The following LRRC4 variants were observed in gnomAD, a reference collection of about 807,000 sequenced individuals.
LRRC4 encodes leucine-rich repeat-containing protein 4.
In LRRC4, 11 loss-of-function variants were observed where a neutral mutation model predicts 37.9. The observed-to-expected ratio is 0.29, with a 90% confidence interval of 0.18 to 0.48. The LOEUF (loss-of-function observed/expected upper bound fraction) is 0.48, where lower values mean the gene tolerates loss of function less well. LRRC4 is among the 20% of genes least tolerant of loss of function. The probability of loss-of-function intolerance (pLI) is 0.99; values close to 1 mark genes in which losing one functional copy is unlikely to be tolerated. For missense variants in LRRC4, 717 were observed against 842.1 expected (o/e 0.85, Z 1.84); for synonymous variants, 404 against 346.7 (o/e 1.17, Z -1.84).
rs1453846684 is a variant in LRRC4, at chr7:128,030,089, C to G, written c.552G>C (p.Leu184=). The part of the protein sequence containing the change: ...MRLDLGELKK[L]EYISEGAFEG... ...CAAAAGCTCCCTCAGAGATATACTC[C>G]AGCTTCTTGAGCTCCCCCAAGTCCA... The change falls in exon 2 of 2, where the codon CTG becomes CTC. Residue 184 remains leucine, a synonymous_variant. Coordinates refer to ENST00000249363, the MANE Select transcript of LRRC4 (RefSeq NM_022143.5). 2.5e-6 allele frequency: 4 copies of G among 1,613,696 alleles called. No homozygotes were observed. Among genetic ancestry groups the G allele is most frequent in the Non-Finnish European group, 3.4e-6 (4 of 1,180,064 alleles).
At position 128,030,384 on chromosome 7, in the gene LRRC4, T is replaced by C. The variant is rs763851811; in HGVS notation, c.257A>G (p.Asn86Ser). The change falls in exon 2 of 2, where the codon AAC (asparagine) becomes AGC (serine). Residue 86 changes from asparagine to serine, a missense_variant. Physicochemically the swap from Asn to Ser is conservative, Grantham distance 46. This residue lies in a region of LRRC4 where 127 missense variants were observed against 134.8 expected (regional missense o/e 0.94). Coordinates refer to ENST00000249363, the MANE Select transcript of LRRC4 (RefSeq NM_022143.5). ...GGTGTCGGCCTGGATCATCTGGATG[T>C]TGTTCTCCATGAGGTTGAGGTACCG... ...NTRYLNLMEN[N>S]IQMIQADTFR... 10 of 1,613,952 alleles carry C rather than the reference T, an allele frequency of 6.2e-6. No homozygotes were observed. The South Asian group carries it at 1.1e-4, about 18-fold the overall frequency.
At position 128,027,076 on chromosome 7, in the gene LRRC4, A is replaced by T. The variant is rs1803496053; in HGVS notation, c.*1603T>A. ...AACCCTTTGGGGACATTGAATTAAA[A>T]ATTCAACAATATTTATTAAAATACA... On this transcript the variant is annotated 3_prime_UTR_variant, in exon 2 of 2. Transcript: ENST00000249363. The T allele has an allele frequency of 6.6e-6, 1 of 152,556 alleles. No homozygotes were observed. Among genetic ancestry groups the T allele is most frequent in the South Asian group, 2.1e-4 (1 of 4,820 alleles). 9.5% of individuals were successfully genotyped at this position (152,556 alleles called of 1,614,324 possible).
rs755725975 is a variant in LRRC4 at position 128,030,684 on chromosome 7, C to T, written c.-44G>A. The T allele has an allele frequency of 2.6e-5, 40 of 1,521,716 alleles. No individual in the cohort carries two copies. The East Asian group carries it at 4.3e-4, about 16-fold the overall frequency. The allele number at this position is 1,521,716 out of a possible 1,614,324, so 94.3% of individuals were successfully genotyped here. A position where few individuals can be genotyped will look rare whatever the true frequency, so the allele number is the denominator to read the frequency against. ...TTCACCATCGCCTGGGATTTTGGCT[C>T]GGAAAGGAGAACCAGCCCTACCCCG... On this transcript the variant is annotated 5_prime_UTR_variant, in exon 2 of 2. Transcript: ENST00000249363.
chr7:128,031,255 G>C lies in LRRC4; in HGVS notation c.-443C>G, dbSNP rs1287631376. Among the ~76,000 whole-genome samples, 1 of 151,398 alleles carries C rather than the reference G, an allele frequency of 6.6e-6. No individual in the cohort carries two copies. The highest frequency in any genetic ancestry group is 1.5e-5 in the Non-Finnish European group (1 of 67,814). ...TGTCCTTGGACCCTGGCACCGGCTC[G>C]CTCCAGCCGCGGGGGAAGGCGCTTC... On this transcript the variant is annotated 5_prime_UTR_variant, in exon 1 of 2. Transcript: ENST00000249363.
rs765470893 is a variant in LRRC4 at position 128,029,478 on chromosome 7, T to C, written c.1163A>G (p.Asn388Ser). 30 of 1,613,944 alleles carry C rather than the reference T, an allele frequency of 1.9e-5. No individual in the cohort carries two copies. The highest frequency in any genetic ancestry group is 8.3e-5 in the Admixed American group (5 of 59,996). ...PMSSVKWLLP[N>S]GTVLSHASRH... is the part of the protein sequence containing the mutation. ...GGAGGCGTGGCTGAGCACTGTCCCA[T>C]TGGGCAGCAACCACTTCACGGAGGA... Residue 388 changes from asparagine to serine, a missense_variant, in exon 2 of 2, where the codon AAT becomes AGT. Coordinates refer to ENST00000249363, the MANE Select transcript of LRRC4 (RefSeq NM_022143.5). The surrounding 1 kb of genome is among the most constrained non-coding windows in gnomAD (Gnocchi z 4.2).
In LRRC4 at chr7:128,031,116, G is replaced by GCCGGAC. The variant is rs1792581362; in HGVS notation, c.-305_-304insGTCCGG. 6.6e-6 allele frequency: 1 copy of GCCGGAC among 152,648 alleles called. No individual in the cohort carries two copies. Among genetic ancestry groups the GCCGGAC allele is most frequent in the Admixed American group, 6.5e-5 (1 of 15,274 alleles). The allele number at this position is 152,648 out of a possible 1,614,324, so 9.5% of individuals were successfully genotyped here. A position where few individuals can be genotyped will look rare whatever the true frequency, so the allele number is the denominator to read the frequency against. On this transcript the variant is annotated 5_prime_UTR_variant, in exon 1 of 2. Transcript: ENST00000249363. ...GGCCTCTAGTAAATCCGGAGCCGGA[G>GCCGGAC]CCGGCGAAGCCGCGGAGTTGAGGCG...
At position 128,029,990 on chromosome 7, in the gene LRRC4, C is replaced by A. The variant is rs779078017; in HGVS notation, c.651G>T (p.Leu217=). The A allele has an allele frequency of 6.2e-6, 10 of 1,613,180 alleles. No individual in the cohort carries two copies. Among genetic ancestry groups the A allele is most frequent in the Non-Finnish European group, 6.8e-6 (8 of 1,180,034 alleles). ...ACATCTCCAGCTCCTCCAGCCCCAC[C>A]AGGGGGGTGAGATTGGGCATGTCTT... ...NIKDMPNLTP[L]VGLEELEMSG... The change falls in exon 2 of 2, where the codon CTG becomes CTT. Residue 217 remains leucine, a synonymous_variant. Transcript: ENST00000249363. This position sits in a 1 kb window ranked among gnomAD's most constrained non-coding sequence, Gnocchi z 4.2.
In LRRC4 at chr7:128,029,771, C is replaced by G. The variant is rs1357341184; in HGVS notation, c.870G>C (p.Arg290Ser). The change falls in exon 2 of 2, where the codon AGG becomes AGC. Residue 290 changes from arginine (R) to serine (S), a missense_variant. Arg to Ser is a moderately radical substitution (Grantham distance 110). Transcript: ENST00000249363. This position sits in a 1 kb window ranked among gnomAD's most constrained non-coding sequence, Gnocchi z 4.2. Reference sequence around the variant, plus strand: ...GGTGTAGATGCAACTCCACCAGGTACCTCAGCGGGGTAAAGAGGTCATGGG... The same window carrying G: ...GGTGTAGATGCAACTCCACCAGGTAGCTCAGCGGGGTAAAGAGGTCATGGG... ...SLPHDLFTPL[R>S]YLVELHLHHN... The G allele has an allele frequency of 6.2e-7, 1 of 1,613,362 alleles. No individual in the cohort carries two copies. Among genetic ancestry groups the G allele is most frequent in the Non-Finnish European group, 8.5e-7 (1 of 1,179,834 alleles).
At chr7:128,031,603 G>C (rs949004792), upstream of LRRC4, 5 of 149,588 alleles carry the variant, frequency 3.3e-5, no homozygotes, top group East Asian at 3.9e-4. Context: ...GCGGCGCTCC[G>C]TCCGGCCCCC....
chr7:128,030,763 G>A, intron 1 of LRRC4, 23 bp from the exon 2 acceptor site: 5 of 1,262,708 alleles, frequency 4.0e-6, no homozygotes, highest in Non-Finnish European at 2.2e-6. Context: ...GTGGGGAGGG[G>A]GCGATTAGAG....
At position 128,028,727 on chromosome 7, in the gene LRRC4, A is replaced by G. The variant is rs746521665; in HGVS notation, c.1914T>C (p.Tyr638=). Residue 638 remains tyrosine, a synonymous_variant, in exon 2 of 2, where the codon TAT becomes TAC. Coordinates refer to ENST00000249363, the MANE Select transcript of LRRC4 (RefSeq NM_022143.5). The stretch of plus-strand genomic sequence containing the variant: ...TGTCCTTGGTATGGGTCTGAATTAT[A>G]TAAGGTTCAGAGATAGTGGTGACTG... ...HPTVTTISEP[Y]IIQTHTKDKV... 2.7e-5 allele frequency: 44 copies of G among 1,613,986 alleles called. No individual in the cohort carries two copies. The highest frequency in any genetic ancestry group is 3.5e-5 in the Non-Finnish European group (41 of 1,180,026).
In LRRC4 at chr7:128,031,287, A is replaced by G. The variant is rs986384383; in HGVS notation, c.-475T>C. Among the ~76,000 whole-genome samples the G allele has an allele frequency of 7.9e-5, 12 of 151,072 alleles. No individual in the cohort carries two copies. The highest frequency in any genetic ancestry group is 2.4e-4 in the African/African-American group (10 of 41,252). ...CCGCGGGGGAAGGCGCTTCATCGCC[A>G]AAGTGCGCTCCGGCGGCCCCGGCCC... On this transcript the variant is annotated 5_prime_UTR_variant, in exon 1 of 2. Coordinates refer to ENST00000249363, the MANE Select transcript of LRRC4 (RefSeq NM_022143.5).
In LRRC4 at chr7:128,029,870, A is replaced by T. The variant is rs774369760; in HGVS notation, c.771T>A (p.Ile257=). The T allele has an allele frequency of 1.2e-5, 19 of 1,613,386 alleles. No homozygotes were observed. The South Asian group carries it at 2.0e-4, about 17-fold the overall frequency. Residue 257 remains isoleucine (I), a synonymous_variant, in exon 2 of 2, where the codon ATT becomes ATA. Transcript: ENST00000249363. The surrounding 1 kb of genome is among the most constrained non-coding windows in gnomAD (Gnocchi z 4.2). ...LWVMNSQVSL[I]ERNAFDGLAS... ...CCAGCCCGTCAAAAGCATTCCGCTC[A>T]ATCAGGCTGACCTGTGAGTTCATGA...
rs1803541422 is a variant in LRRC4 at position 128,028,433 on chromosome 7, T to C, written c.*246A>G. The C allele has an allele frequency of 2.5e-6, 1 of 402,300 alleles. No individual in the cohort carries two copies. The highest frequency in any genetic ancestry group is 4.2e-5 in the East Asian group (1 of 23,944). The allele number at this position is 402,300 out of a possible 1,614,324, so 24.9% of individuals were successfully genotyped here. On this transcript the variant is annotated 3_prime_UTR_variant, in exon 2 of 2. Coordinates refer to ENST00000249363, the MANE Select transcript of LRRC4 (RefSeq NM_022143.5). ...CCTTCTGGCAGCATAGCAAGTTAACTTGTGGCTTGTACCCCACAACGTTCC... is the reference window on the plus strand; with the variant it reads ...CCTTCTGGCAGCATAGCAAGTTAACCTGTGGCTTGTACCCCACAACGTTCC...
In LRRC4 at chr7:128,028,890, G is replaced by A; in HGVS notation, c.1751C>T (p.Thr584Ile). The part of the protein sequence containing the change: ...DIPAATSAAA[T>I]AAPSGVSGEG... ...ACCTGATACACCGGACGGAGCTGCT[G>A]TTGCTGCTGCGGATGTTGCTGCTGG... Residue 584 changes from threonine to isoleucine, a missense_variant, in exon 2 of 2, where the codon ACA becomes ATA. Around this residue, in one of 5 missense-constraint regions of LRRC4, gnomAD observed 140 missense variants for 137.2 expected, o/e 1.02. Transcript: ENST00000249363. 1.2e-6 allele frequency: 2 copies of A among 1,614,040 alleles called. No individual in the cohort carries two copies. The highest frequency in any genetic ancestry group is 1.7e-4 in the Middle Eastern group (1 of 6,058).
In LRRC4 at chr7:128,028,579, T is replaced by C; in HGVS notation, c.*100A>G. ...TTTTAACCAGCCCATAGACTTAATA[T>C]ATAAGCATATACAAGAAAAAGTCTC... is the stretch of plus-strand genomic sequence containing the variant. On this transcript the variant is annotated 3_prime_UTR_variant, in exon 2 of 2. Coordinates refer to ENST00000249363, the MANE Select transcript of LRRC4 (RefSeq NM_022143.5). 9.0e-7 allele frequency: 1 copy of C among 1,108,888 alleles called. No individual in the cohort carries two copies. Among genetic ancestry groups the C allele is most frequent in the Non-Finnish European group, 1.3e-6 (1 of 767,726 alleles). The allele number at this position is 1,108,888 out of a possible 1,614,324, so 68.7% of individuals were successfully genotyped here. A position where few individuals can be genotyped will look rare whatever the true frequency, so the allele number is the denominator to read the frequency against.
chr7:128,031,793 TGCCCGGCCCCCGGCG>T (rs1792616942), upstream of LRRC4, among the ~76,000 whole-genome samples: 1 of 143,288 alleles, frequency 7.0e-6, no homozygotes, highest in African/African-American at 2.5e-5. Flanking sequence ...CGCCCGCCGC[TGCCCGGCCCCCGGCG>T]CGCCGCCGGC....
chr7:128,030,792 G>C, intron 1 of LRRC4, 52 bp from the exon 2 acceptor site: 1 of 1,000,218 alleles, frequency 1.0e-6, no homozygotes, highest in Non-Finnish European at 1.4e-6. Flanking sequence ...CGGATCGGCC[G>C]AAAAAAATCC....
In LRRC4 at chr7:128,029,120, G is replaced by A. The variant is rs572177898; in HGVS notation, c.1521C>T (p.Pro507=). Residue 507 remains proline (P), a synonymous_variant, in exon 2 of 2, where the codon CCC becomes CCT. Transcript: ENST00000249363. This position sits in a 1 kb window ranked among gnomAD's most constrained non-coding sequence, Gnocchi z 4.2. ...GCATCTTGTCAGTGGTGTCTGTCGC[G>A]GGTACTGCCACCTGCTTGGGCACAC... is the stretch of plus-strand genomic sequence containing the variant. The part of the protein sequence containing the change: ...TTRVPKQVAV[P]ATDTTDKMQT... The A allele has an allele frequency of 1.8e-5, 29 of 1,614,068 alleles. 1 individual carries two copies. Among genetic ancestry groups the A allele is most frequent in the South Asian group, 4.4e-5 (4 of 91,066 alleles).
Sources: allele counts gnomAD v4.1 joint callset (sites outside exome capture counted in the v4.1 genomes callset), GRCh38; gene constraint gnomAD v4.1.1; regional missense constraint gnomAD v4.1.1; non-coding constraint Gnocchi (gnomAD v3.1); transcripts MANE v1.5; gene names NCBI Gene and HGNC (gene_info 2026-07-23, HGNC 2026-07-21).